Variants in LUC7L2 observed in about 807,000 individuals in gnomAD.
LUC7L2 encodes LUC7 like 2, pre-mRNA splicing factor.
LUC7L2 carries 25 observed loss-of-function variants against 52.8 expected under a neutral mutation model. That is an observed-to-expected ratio of 0.47 (90% CI 0.34 to 0.66). The LOEUF is 0.66. Ranked by LOEUF, LUC7L2 falls within the 30% of genes least tolerant of loss-of-function variation. The pLI is 0.01. For synonymous variants in LUC7L2, 144 were observed against 160.9 expected (o/e 0.89, Z 0.80); for missense variants, 328 against 497.8 (o/e 0.66, Z 3.25).
At chr7:139,413,867 A>G (rs1283761789) in intron 8 of LUC7L2, among the ~76,000 whole-genome samples, 2 of 152,218 alleles carry the variant, frequency 1.3e-5, no homozygotes, top group African/African-American at 4.8e-5. Context: ...AAGAACATTA[A>G]TAAGTGGGGC....
intron 1 of LUC7L2, among the ~76,000 whole-genome samples, chr7:139,343,706 AG>A (rs1204483959): frequency 9.9e-5 from 15 of 152,144 alleles, no homozygotes; most frequent in Non-Finnish European, 1.8e-4. Context: ...AGGAGGCGGC[AG>A]GTGGATCGCT....
intron 1 of LUC7L2, among the ~76,000 whole-genome samples, chr7:139,349,720 C>A (rs1799390712): frequency 1.3e-5 from 2 of 151,942 alleles, no homozygotes; most frequent in South Asian, 4.2e-4. Context: ...ACAGCTACTA[C>A]CCGCTGTTCC....
chr7:139,414,936 G>C (rs775594237), intron 8 of LUC7L2, among the ~76,000 whole-genome samples: 10 of 152,006 alleles, frequency 6.6e-5, no homozygotes, highest in Non-Finnish European at 1.3e-4. Flanking sequence ...GCCCAGGCTG[G>C]AGTGCAGTGG....
intron 1 of LUC7L2, among the ~76,000 whole-genome samples, chr7:139,369,850 A>G (rs1307318740): frequency 6.6e-6 from 1 of 152,158 alleles, no homozygotes; most frequent in Non-Finnish European, 1.5e-5. Flanking sequence ...TTATAAACTT[A>G]TGGGACCATA....
chr7:139,376,099 C>T lies in LUC7L2; in HGVS notation c.99C>T (p.Asp33=). 6.2e-7 allele frequency: 1 copy of T among 1,613,866 alleles called. No homozygotes were observed. Among genetic ancestry groups the T allele is most frequent in the Non-Finnish European group, 8.5e-7 (1 of 1,179,906 alleles). ...GTCAACGAATCAAATTCAGTGATGACAGAGTATGCAAGAGTCACCTTCTCA... is the reference window on the plus strand; with the variant it reads ...GTCAACGAATCAAATTCAGTGATGATAGAGTATGCAAGAGTCACCTTCTCA... ...TTRQRIKFSD[D]RVCKSHLLNC... is the part of the protein sequence containing the mutation. Residue 33 remains aspartate (D), a synonymous_variant, in exon 2 of 10, where the codon GAC becomes GAT. Coordinates refer to ENST00000354926, the MANE Select transcript of LUC7L2 (RefSeq NM_016019.5).
At chr7:139,402,838 T>TAAC (rs1454767376) in intron 4 of LUC7L2, among the ~76,000 whole-genome samples, 2 of 152,214 alleles carry the variant, frequency 1.3e-5, no homozygotes. Context: ...CTCTGCAGTT[T>TAAC]AATCACATGT....
intron 1 of LUC7L2, chr7:139,341,520 C>T: frequency 6.2e-7 from 1 of 1,611,742 alleles, no homozygotes; most frequent in South Asian, 1.1e-5. Context: ...CCGTGCACAT[C>T]GGGTACGGGA....
chr7:139,414,444 C>T (rs1795499731), intron 8 of LUC7L2, among the ~76,000 whole-genome samples: 1 of 152,240 alleles, frequency 6.6e-6, no homozygotes, highest in Non-Finnish European at 1.5e-5. Context: ...CAAAGCCATC[C>T]TGGGCAGCAT....
At chr7:139,360,406 C>T (rs909509541) in intron 1 of LUC7L2, 84 bp downstream of exon 1, 4 of 1,334,900 alleles carry the variant, frequency 3.0e-6, no homozygotes, top group South Asian at 1.3e-5. Flanking sequence ...CCTGGGCGCG[C>T]GCGTGTGGCT....
chr7:139,417,636 A>G lies in LUC7L2; in HGVS notation c.908A>G (p.His303Arg). The G allele has an allele frequency of 6.2e-7, 1 of 1,614,212 alleles. No homozygotes were observed. Among genetic ancestry groups the G allele is most frequent in the Non-Finnish European group, 8.5e-7 (1 of 1,180,048 alleles). ...AAATCTCGGGAGAAACGCCATCGCC[A>G]CAGGTCCCGCTCCAGCAGCCGTAGC... Reference protein sequence around the residue: ...RSKSREKRHRHRSRSSSRSRS... With the variant: ...RSKSREKRHRRRSRSSSRSRS... Residue 303 changes from histidine to arginine, a missense_variant, in exon 9 of 10, where the codon CAC becomes CGC. His to Arg is a conservative substitution (Grantham distance 29). This residue lies in a region of LUC7L2 where 195 missense variants were observed against 223.3 expected (regional missense o/e 0.87). Transcript: ENST00000354926.
intron 9 of LUC7L2, among the ~76,000 whole-genome samples, chr7:139,420,732 A>G (rs1454159606): frequency 1.3e-5 from 2 of 152,068 alleles, no homozygotes; most frequent in African/African-American, 2.4e-5. Context: ...ATCTCTTTTC[A>G]TATTTTATTC....
At chr7:139,379,214 C>A (rs776985718) in intron 2 of LUC7L2, among the ~76,000 whole-genome samples, 1 of 152,130 alleles carries the variant, frequency 6.6e-6, no homozygotes, top group Non-Finnish European at 1.5e-5. Context: ...AAAAAGAATA[C>A]AGAAAAGCCA....
chr7:139,358,337 T>C (rs930717941), upstream of LUC7L2, among the ~76,000 whole-genome samples: 1 of 152,216 alleles, frequency 6.6e-6, no homozygotes, highest in Non-Finnish European at 1.5e-5. Flanking sequence ...ATTTTGGGAC[T>C]ATTACTACTA....
intron 1 of LUC7L2, among the ~76,000 whole-genome samples, chr7:139,341,854 G>C (rs1434771152): frequency 1.3e-5 from 2 of 152,140 alleles, no homozygotes; most frequent in African/African-American, 4.8e-5. Context: ...TCAATGCTGG[G>C]GATAAAACAA....
At chr7:139,358,238 C>G (rs982084987), upstream of LUC7L2, among the ~76,000 whole-genome samples, 3 of 151,540 alleles carry the variant, frequency 2.0e-5, no homozygotes, top group Non-Finnish European at 4.4e-5. Context: ...AACTCCTGAC[C>G]TCAAGGTGAT....
chr7:139,407,298 G>A lies in LUC7L2; in HGVS notation c.635G>A (p.Gly212Asp). ...AGACGACTGGCTGATCATTTTGGGG[G>A]TAAACTGCACCTGGGATTTATTGAA... ...NDRRLADHFG[G>D]KLHLGFIEIR... Residue 212 changes from glycine to aspartate, a missense_variant, in exon 6 of 10, where the codon GGT becomes GAT. Transcript: ENST00000354926. 6.2e-7 allele frequency: 1 copy of A among 1,608,414 alleles called. No homozygotes were observed. Among genetic ancestry groups the A allele is most frequent in the Non-Finnish European group, 8.5e-7 (1 of 1,176,522 alleles).
intron 1 of LUC7L2, among the ~76,000 whole-genome samples, chr7:139,343,373 C>G (rs1276467897): frequency 6.6e-6 from 1 of 152,212 alleles, no homozygotes; most frequent in Non-Finnish European, 1.5e-5. Context: ...AACCCACATT[C>G]TAACAGCATG....
chr7:139,410,265 G>A (rs1178612495), intron 7 of LUC7L2, among the ~76,000 whole-genome samples: 1 of 151,306 alleles, frequency 6.6e-6, no homozygotes, highest in Non-Finnish European at 1.5e-5. Flanking sequence ...TTCATATTGG[G>A]CTAGATTTGC....
chr7:139,388,033 C>T (rs188953810), intron 2 of LUC7L2, among the ~76,000 whole-genome samples: 1 of 152,084 alleles, frequency 6.6e-6, no homozygotes, highest in South Asian at 2.1e-4. Context: ...ATTCTTTCTC[C>T]TCTCTACAAA....
Sources: gnomAD v4.1 joint callset for allele counts (sites outside exome capture counted in the v4.1 genomes callset) on GRCh38, gnomAD v4.1.1 for gene constraint, gnomAD v4.1.1 regional missense constraint, MANE v1.5 for transcripts, NCBI Gene and HGNC (gene_info 2026-07-23, HGNC 2026-07-21) for gene names.